UHRF1: variants seen among roughly 807,000 people sequenced by gnomAD.
UHRF1 encodes the protein E3 ubiquitin-protein ligase UHRF1.
UHRF1 carries 9 observed loss-of-function variants against 96.5 expected under a neutral mutation model. The ratio of observed to expected loss-of-function variants is 0.09; its 90% CI spans 0.06 to 0.16. The LOEUF is 0.16. UHRF1 is among the 10% of genes least tolerant of loss of function. UHRF1 has a pLI of 1.00. For missense variants in UHRF1, 626 were observed against 1,131.1 expected, an observed-to-expected ratio of 0.55 and a Z score of 6.40; for synonymous variants, 455 against 469.9, an observed-to-expected ratio of 0.97 and a Z score of 0.41.
At position 4,956,815 on chromosome 19, in the gene UHRF1, T is replaced by C. The variant is rs1466776278; in HGVS notation, c.2235+2T>C. On this transcript the variant is annotated splice_donor_variant, in intron 16 of 16. Coordinates refer to ENST00000650932, the MANE Select transcript of UHRF1 (RefSeq NM_001048201.3). LOFTEE classifies it high-confidence loss of function. ...GTGTGCCAGCACAACGTGTGCAAGGTGAGTAGAGATGGCCGCGGGAGCCGG... is the reference window on the plus strand; with the variant it reads ...GTGTGCCAGCACAACGTGTGCAAGGCGAGTAGAGATGGCCGCGGGAGCCGG... 1.2e-6 allele frequency: 2 copies of C among 1,602,398 alleles called. No individual in the cohort carries two copies. The highest frequency in any genetic ancestry group is 1.3e-5 in the African/African-American group (1 of 74,712).
At chr19:4,905,068 C>T (rs941964288), upstream of UHRF1, among the ~76,000 whole-genome samples, 1 of 151,626 alleles carries the variant, frequency 6.6e-6, no homozygotes, top group African/African-American at 2.4e-5. Flanking sequence ...CCACATTTGG[C>T]CCAGGATGGA....
intron 16 of UHRF1, among the ~76,000 whole-genome samples, chr19:4,958,945 G>C (rs930688606): frequency 6.9e-6 from 1 of 144,250 alleles, no homozygotes; most frequent in Non-Finnish European, 1.5e-5. Flanking sequence ...CTGGGCGTCA[G>C]AGCAAGATTC....
At chr19:4,943,500 C>A (rs2033470543) in intron 7 of UHRF1, among the ~76,000 whole-genome samples, 1 of 140,118 alleles carries the variant, frequency 7.1e-6, no homozygotes, top group Non-Finnish European at 1.5e-5. Context: ...GCCCTGCCCC[C>A]CCTCCCCACA....
Position 4,932,967 on chromosome 19 carries a change from C to A in UHRF1, c.785+11C>A. 1 of 1,591,558 alleles carries A rather than the reference C, an allele frequency of 6.3e-7. No homozygotes were observed. Among genetic ancestry groups the A allele is most frequent in the South Asian group, 1.1e-5 (1 of 89,214 alleles). ...CAACGTGGTGCTGGGGTGAGCCTCG[C>A]GTCCTGGGGCGAGCCCTTCCTCTCT... On this transcript the variant is annotated intron_variant, in intron 5 of 16. Coordinates refer to ENST00000650932, the MANE Select transcript of UHRF1 (RefSeq NM_001048201.3).
At chr19:4,918,022 T>G (rs2032580473) in intron 2 of UHRF1, among the ~76,000 whole-genome samples, 1 of 152,164 alleles carries the variant, frequency 6.6e-6, no homozygotes, top group African/African-American at 2.4e-5. Flanking sequence ...GGAGAATATC[T>G]TCCACTCTGC....
At position 4,929,493 on chromosome 19, in the gene UHRF1, C is replaced by T. The variant is rs1441478664; in HGVS notation, c.408+17C>T. The stretch of plus-strand genomic sequence containing the variant: ...CTGTACAAGGTGAGCCTCCCCTCCG[C>T]AGCTGCTCTGGGGTTGGACGTTCTC... On this transcript the variant is annotated intron_variant, in intron 3 of 16. Transcript: ENST00000650932. 3 of 1,603,372 alleles carry T rather than the reference C, an allele frequency of 1.9e-6. No homozygotes were observed. Among genetic ancestry groups the T allele is most frequent in the Non-Finnish European group, 1.7e-6 (2 of 1,172,780 alleles).
intron 5 of UHRF1, among the ~76,000 whole-genome samples, chr19:4,940,465 C>G (rs1395430598): frequency 1.4e-5 from 2 of 141,652 alleles, no homozygotes; most frequent in Non-Finnish European, 3.0e-5. Flanking sequence ...TTCCCAGGTT[C>G]AAGCGATTCT....
At position 4,930,617 on chromosome 19, in the gene UHRF1, G is replaced by T. The variant is rs1387582077; in HGVS notation, c.409-99G>T. ...CCTCGCTGTGGGCATTCGAGTTTGC[G>T]CCCTGGTTCCAGAGCATCCCAGTGT... On this transcript the variant is annotated intron_variant, in intron 3 of 16. Coordinates refer to ENST00000650932, the MANE Select transcript of UHRF1 (RefSeq NM_001048201.3). This position sits in a 1 kb window ranked among gnomAD's most constrained non-coding sequence, Gnocchi z 4.4. The T allele has an allele frequency of 1.5e-5, 22 of 1,421,902 alleles. No individual in the cohort carries two copies. The highest frequency in any genetic ancestry group is 2.0e-5 in the Non-Finnish European group (21 of 1,045,458). 88.1% of individuals were successfully genotyped at this position (1,421,902 alleles called of 1,614,324 possible).
At position 4,954,084 on chromosome 19, in the gene UHRF1, G is replaced by A. The variant is rs930270744; in HGVS notation, c.1819-266G>A. Among the ~76,000 whole-genome samples the A allele has an allele frequency of 3.3e-5, 5 of 152,182 alleles. No individual in the cohort carries two copies. The highest frequency in any genetic ancestry group is 7.3e-5 in the Non-Finnish European group (5 of 68,036). ...GGGGCCCCGAGCCGAGGGATGCAGC[G>A]CCTCTAGACGTTGGACACTTAGAAC... On this transcript the variant is annotated intron_variant, in intron 13 of 16. Transcript: ENST00000650932. The surrounding 1 kb of genome is among the most constrained non-coding windows in gnomAD (Gnocchi z 5.9).
intron 5 of UHRF1, among the ~76,000 whole-genome samples, chr19:4,934,639 C>A (rs1218439147): frequency 6.6e-6 from 1 of 152,204 alleles, no homozygotes; most frequent in Non-Finnish European, 1.5e-5. Context: ...AATTTCCCTC[C>A]TTTTTGTGGC....
intron 5 of UHRF1, among the ~76,000 whole-genome samples, chr19:4,940,862 A>G (rs56138847): frequency 0.23 from 34,309 of 151,294 alleles, 5,126 homozygotes; most frequent in African/African-American, 0.41. Context: ...TAGTAGAGAC[A>G]GGGTTTTACC....
At chr19:4,915,324 T>G (rs929826846) in intron 2 of UHRF1, among the ~76,000 whole-genome samples, 1 of 152,214 alleles carries the variant, frequency 6.6e-6, no homozygotes, top group Non-Finnish European at 1.5e-5. Flanking sequence ...GCGGCCTCTG[T>G]TAGGGTGACT....
chr19:4,910,261 G>C (rs1231530658), intron 1 of UHRF1: 2 of 149,554 alleles, frequency 1.3e-5, no homozygotes, highest in Admixed American at 1.3e-4. Flanking sequence ...GTCGCGGGGC[G>C]CGCGCGCTCG....
At chr19:4,942,190 TTTTTC>T (rs1480100364) in intron 7 of UHRF1, among the ~76,000 whole-genome samples, 4 of 151,910 alleles carry the variant, frequency 2.6e-5, no homozygotes, top group Non-Finnish European at 4.4e-5. Context: ...TTTTCTTTTC[TTTTTC>T]TTTTCTTTTT....
At chr19:4,942,283 C>T (rs1210124298) in intron 7 of UHRF1, among the ~76,000 whole-genome samples, 2 of 151,982 alleles carry the variant, frequency 1.3e-5, no homozygotes, top group African/African-American at 2.4e-5. Flanking sequence ...CTCCGCCTCT[C>T]GGGTTCACGC....
intron 5 of UHRF1, among the ~76,000 whole-genome samples, chr19:4,933,417 C>T (rs551331210): frequency 7.9e-5 from 12 of 152,076 alleles, no homozygotes; most frequent in Non-Finnish European, 1.5e-4. Flanking sequence ...GGGGTTTCAC[C>T]GTTAACCAGG....
intron 2 of UHRF1, among the ~76,000 whole-genome samples, chr19:4,913,443 C>G (rs570177913): frequency 6.6e-6 from 1 of 152,014 alleles, no homozygotes; most frequent in African/African-American, 2.4e-5. Flanking sequence ...TTAGTAGAGA[C>G]GGAGTTTCAC....
At chr19:4,947,673 G>A (rs920421311) in intron 11 of UHRF1, among the ~76,000 whole-genome samples, 7 of 151,544 alleles carry the variant, frequency 4.6e-5, no homozygotes, top group Admixed American at 4.6e-4. Context: ...GCTAATTTTT[G>A]TATTTTTAGT....
upstream of UHRF1, chr19:4,909,099 C>T: frequency 5.5e-6 from 1 of 181,904 alleles, no homozygotes; most frequent in Non-Finnish European, 1.2e-5. Context: ...CTCCTAGGGG[C>T]CCCCCACATT....
Sources: allele counts gnomAD v4.1 joint callset (sites outside exome capture counted in the v4.1 genomes callset), GRCh38; gene constraint gnomAD v4.1.1; non-coding constraint Gnocchi (gnomAD v3.1); transcripts MANE v1.5; gene names NCBI Gene and HGNC (gene_info 2026-07-23, HGNC 2026-07-21).